Variants in PTPRT observed in about 807,000 individuals in gnomAD.
PTPRT encodes protein tyrosine phosphatase receptor type T.
In PTPRT, 56 loss-of-function variants were observed where a neutral mutation model predicts 176.8. The ratio of observed to expected loss-of-function variants is 0.32; its 90% CI spans 0.26 to 0.40. The LOEUF (loss-of-function observed/expected upper bound fraction) is 0.40, where lower values mean the gene tolerates loss of function less well. Ranked by LOEUF, PTPRT falls within the 10% of genes least tolerant of loss-of-function variation. PTPRT has a pLI of 1.00. For missense variants in PTPRT, 1,540 were observed against 1,908.2 expected, an observed-to-expected ratio of 0.81 and a Z score of 3.60; for synonymous variants, 783 against 739.0, an observed-to-expected ratio of 1.06 and a Z score of -0.96.
intron 14 of PTPRT, among the ~76,000 whole-genome samples, chr20:42,242,329 C>T (rs2056370788): frequency 6.6e-6 from 1 of 152,216 alleles, no homozygotes; most frequent in African/African-American, 2.4e-5. Context: ...TTCCACTGGG[C>T]TCTCCCATTC....
At chr20:43,066,195 C>A (rs2011110567) in intron 1 of PTPRT, among the ~76,000 whole-genome samples, 1 of 152,144 alleles carries the variant, frequency 6.6e-6, no homozygotes. Context: ...AGGACAAAGG[C>A]TCTCACACAC....
rs927518552 is a variant in PTPRT, at chr20:42,742,086, G to C, written c.859+14376C>G. ...AAAAGCCACAGAGATGAGTGCAGAT[G>C]TGCTCAGGGAGAAGGAGCGCCTTTC... On this transcript the variant is annotated intron_variant, in intron 6 of 30. Coordinates refer to ENST00000373187, the MANE Select transcript of PTPRT (RefSeq NM_007050.6). 4.6e-5 allele frequency among the ~76,000 whole-genome samples: 7 copies of C among 152,220 alleles called. No individual in the cohort carries two copies. The South Asian group carries it at 1.4e-3, about 32-fold the overall frequency.
chr20:42,568,102 G>A (rs2073078355), intron 7 of PTPRT, among the ~76,000 whole-genome samples: 1 of 151,802 alleles, frequency 6.6e-6, no homozygotes, highest in Admixed American at 6.6e-5. Context: ...CCGAGTAGCT[G>A]GGATTACATG....
At chr20:42,901,772 G>C (rs1321243596) in intron 1 of PTPRT, among the ~76,000 whole-genome samples, 1 of 152,186 alleles carries the variant, frequency 6.6e-6, no homozygotes, top group Non-Finnish European at 1.5e-5. Context: ...AAAATAAATA[G>C]AGAAACCAAT....
At chr20:42,492,097 C>A (rs1010703214) in intron 7 of PTPRT, among the ~76,000 whole-genome samples, 1 of 152,072 alleles carries the variant, frequency 6.6e-6, no homozygotes, top group African/African-American at 2.4e-5. Flanking sequence ...CATTTAAGGA[C>A]ATTTAGGTAG....
chr20:42,439,035 C>T (rs2059288367), intron 9 of PTPRT, among the ~76,000 whole-genome samples: 2 of 152,198 alleles, frequency 1.3e-5, no homozygotes, highest in African/African-American at 2.4e-5. Flanking sequence ...TCTTTTCAAC[C>T]AGAGCTGTTG....
chr20:42,981,789 T>C (rs1368262447), intron 1 of PTPRT, among the ~76,000 whole-genome samples: 2 of 152,216 alleles, frequency 1.3e-5, no homozygotes, highest in Non-Finnish European at 2.9e-5. Context: ...GATCATTTGT[T>C]ACACAGCAAA....
chr20:42,889,194 C>T (rs1465779839), intron 1 of PTPRT, among the ~76,000 whole-genome samples: 1 of 152,198 alleles, frequency 6.6e-6, no homozygotes, highest in African/African-American at 2.4e-5. Flanking sequence ...TTCACAGGCA[C>T]TCACTGAACC....
chr20:42,516,215 T>C (rs968066278), intron 7 of PTPRT, among the ~76,000 whole-genome samples: 3 of 150,634 alleles, frequency 2.0e-5, no homozygotes, highest in African/African-American at 7.4e-5. Flanking sequence ...GTAACTAACC[T>C]GCACAGTGTG....
intron 1 of PTPRT, among the ~76,000 whole-genome samples, chr20:43,023,471 T>C (rs1457548355): frequency 6.6e-6 from 1 of 152,198 alleles, no homozygotes; most frequent in Non-Finnish European, 1.5e-5. Flanking sequence ...TGGCCCATGC[T>C]GCCAAGATTT....
intron 1 of PTPRT, among the ~76,000 whole-genome samples, chr20:42,888,599 G>A (rs1169816398): frequency 6.6e-6 from 1 of 152,200 alleles, no homozygotes; most frequent in African/African-American, 2.4e-5. Context: ...TAGAGCCCAT[G>A]CCCATCCTAA....
chr20:43,108,046 T>A (rs78974092), intron 1 of PTPRT, among the ~76,000 whole-genome samples: 8,660 of 151,880 alleles, frequency 0.057, 319 homozygotes, highest in South Asian at 0.1. Flanking sequence ...ATATCTCCCA[T>A]CTCCATTTCT....
intron 2 of PTPRT, among the ~76,000 whole-genome samples, chr20:42,877,246 A>G (rs2078948001): frequency 6.6e-6 from 1 of 152,094 alleles, no homozygotes; most frequent in Admixed American, 6.5e-5. Flanking sequence ...CTACTACTGC[A>G]CACCCCAATT....
chr20:42,735,788 C>T (rs891729425), intron 6 of PTPRT, among the ~76,000 whole-genome samples: 7 of 151,668 alleles, frequency 4.6e-5, no homozygotes, highest in African/African-American at 1.5e-4. Context: ...CTCTGTGGGT[C>T]GCCCATACCC....
chr20:42,729,462 G>T (rs1329415734), intron 6 of PTPRT, among the ~76,000 whole-genome samples: 1 of 152,238 alleles, frequency 6.6e-6, no homozygotes, highest in African/African-American at 2.4e-5. Flanking sequence ...AACAATAGGG[G>T]AAGAACAGGA....
intron 7 of PTPRT, among the ~76,000 whole-genome samples, chr20:42,579,996 G>A (rs1319691964): frequency 6.6e-6 from 1 of 152,138 alleles, no homozygotes; most frequent in Non-Finnish European, 1.5e-5. Flanking sequence ...TGTCCTGAAT[G>A]GTAATGCCTA....
At chr20:42,386,633 C>T (rs551114535) in intron 9 of PTPRT, among the ~76,000 whole-genome samples, 22 of 152,108 alleles carry the variant, frequency 1.4e-4, no homozygotes, top group Admixed American at 3.3e-4. Flanking sequence ...GAGGCTGAGG[C>T]AGGTGGATCA....
chr20:42,588,935 T>C (rs1019142159), intron 7 of PTPRT, among the ~76,000 whole-genome samples: 1 of 152,092 alleles, frequency 6.6e-6, no homozygotes, highest in Non-Finnish European at 1.5e-5. Flanking sequence ...AGACGTAAAG[T>C]TATATGGTCC....
intron 7 of PTPRT, among the ~76,000 whole-genome samples, chr20:42,489,141 T>C (rs1004030501): frequency 2.0e-5 from 3 of 152,002 alleles, no homozygotes; most frequent in Non-Finnish European, 2.9e-5. Context: ...AGGGTACATG[T>C]GCACAACCTG....
Sources: gnomAD v4.1 joint callset for allele counts (sites outside exome capture counted in the v4.1 genomes callset) on GRCh38, gnomAD v4.1.1 for gene constraint, MANE v1.5 for transcripts, NCBI Gene and HGNC (gene_info 2026-07-23, HGNC 2026-07-21) for gene names.